ATF6: variants seen among roughly 807,000 people sequenced by gnomAD.
The protein encoded by ATF6 is activating transcription factor 6.
In ATF6, 53 loss-of-function variants were observed where a neutral mutation model predicts 83.6. The ratio of observed to expected loss-of-function variants is 0.63; its 90% confidence interval spans 0.51 to 0.80. ATF6 has a LOEUF of 0.80. Among genes scored for constraint, ATF6 ranks in the 30% least tolerant of loss-of-function variants. ATF6 has a pLI of 0.00. For synonymous variants in ATF6, 288 were observed against 285.8 expected, an observed-to-expected ratio of 1.01 and a Z score of -0.08; for missense variants, 744 against 797.9, an observed-to-expected ratio of 0.93 and a Z score of 0.81.
At chr1:161,787,202 C>G (rs1018829962) in intron 4 of ATF6, among the ~76,000 whole-genome samples, 1 of 152,154 alleles carries the variant, frequency 6.6e-6, no homozygotes, top group Non-Finnish European at 1.5e-5. Context: ...CTTTTTCTCT[C>G]TATGCCATAC....
chr1:161,790,161 T>C (rs772839710), intron 4 of ATF6, among the ~76,000 whole-genome samples: 1 of 152,222 alleles, frequency 6.6e-6, no homozygotes, highest in Non-Finnish European at 1.5e-5. Flanking sequence ...TAGTTTTTAT[T>C]GTTAAATAGT....
At chr1:161,947,927 T>C (rs1028576635) in intron 15 of ATF6, among the ~76,000 whole-genome samples, 7 of 146,530 alleles carry the variant, frequency 4.8e-5, no homozygotes, top group Non-Finnish European at 8.9e-5. Context: ...CAAGTTCAAG[T>C]GATTCTCCTG....
intron 8 of ATF6, among the ~76,000 whole-genome samples, chr1:161,820,028 T>C (rs984562354): frequency 2.0e-5 from 3 of 152,222 alleles, no homozygotes; most frequent in Admixed American, 2.0e-4. Flanking sequence ...AGAAAAGTTG[T>C]CTCCTTTTCC....
intron 6 of ATF6, among the ~76,000 whole-genome samples, chr1:161,792,977 C>A (rs1684918850): frequency 6.6e-6 from 1 of 152,144 alleles, no homozygotes; most frequent in African/African-American, 2.4e-5. Context: ...GTAGATTAGT[C>A]ATCATTGTAC....
intron 14 of ATF6, among the ~76,000 whole-genome samples, chr1:161,909,955 C>CA (rs1205664811): frequency 1.3e-5 from 2 of 150,680 alleles, no homozygotes; most frequent in South Asian, 2.1e-4. Flanking sequence ...GACTCCATCT[C>CA]AAAAAAAAGA....
At chr1:161,867,506 A>G (rs1687032772) in intron 14 of ATF6, among the ~76,000 whole-genome samples, 1 of 152,204 alleles carries the variant, frequency 6.6e-6, no homozygotes, top group African/African-American at 2.4e-5. Flanking sequence ...TTCAATACAC[A>G]TTTAAATACC....
intron 15 of ATF6, among the ~76,000 whole-genome samples, chr1:161,926,312 A>G (rs1363793168): frequency 6.6e-6 from 1 of 152,198 alleles, no homozygotes; most frequent in Non-Finnish European, 1.5e-5. Flanking sequence ...ACATTATCTC[A>G]GACAGTTTCT....
intron 14 of ATF6, among the ~76,000 whole-genome samples, chr1:161,869,839 T>C (rs1687084607): frequency 6.6e-6 from 1 of 151,882 alleles, no homozygotes; most frequent in Non-Finnish European, 1.5e-5. Flanking sequence ...ACTACCTTTG[T>C]AGTTTACAAA....
rs111432961 is a variant in ATF6 at position 161,951,357 on chromosome 1, G to A, written c.1805-7089G>A. On this transcript the variant is annotated intron_variant, in intron 15 of 15. Transcript: ENST00000367942. ...ACCACCATTTCTGGAACTATTCTGC[G>A]ATGGCACTTTCTCAAGTTGGAGCCA... Among the ~76,000 whole-genome samples the A allele has an allele frequency of 2.2e-3, 328 of 152,338 alleles. 2 individuals carry two copies. The highest frequency in any genetic ancestry group is 0.015 in the South Asian group (71 of 4,824).
chr1:161,824,879 A>T (rs537444792), intron 9 of ATF6, among the ~76,000 whole-genome samples: 1 of 152,218 alleles, frequency 6.6e-6, no homozygotes, highest in Non-Finnish European at 1.5e-5. Flanking sequence ...AGAGAATCAG[A>T]TATGTAAACA....
chr1:161,926,826 T>A (rs1688322293), intron 15 of ATF6, among the ~76,000 whole-genome samples: 1 of 152,166 alleles, frequency 6.6e-6, no homozygotes, highest in South Asian at 2.1e-4. Context: ...AACTATCCTA[T>A]TACCTAGAGC....
chr1:161,879,685 A>G (rs998549191), intron 14 of ATF6, among the ~76,000 whole-genome samples: 1 of 152,138 alleles, frequency 6.6e-6, no homozygotes, highest in Non-Finnish European at 1.5e-5. Context: ...AGAAGGTATG[A>G]TAGTCACACT....
Position 161,768,279 on chromosome 1 carries a change from G to A in ATF6, c.82+1837G>A, listed in dbSNP as rs925038356. Among the ~76,000 whole-genome samples, 7 of 152,212 alleles carry A rather than the reference G, an allele frequency of 4.6e-5. No individual in the cohort carries two copies. In the East Asian group the frequency reaches 1.2e-3, roughly 25 times the overall value. ...ACTTGACTTAATGTTCTCTAACAGA[G>A]CATTCAGTTCTTTGTAGTCAGTTCA... On this transcript the variant is annotated intron_variant, in intron 1 of 15. Transcript: ENST00000367942.
intron 14 of ATF6, chr1:161,892,148 G>A (rs747571347): frequency 6.6e-6 from 1 of 152,110 alleles, no homozygotes; most frequent in Non-Finnish European, 1.5e-5. Flanking sequence ...GTCATTGTAT[G>A]CCTCCAGTTT....
chr1:161,783,966 A>C (rs1328676882), intron 3 of ATF6, 24 bp from the exon 4 acceptor site: 1 of 1,497,312 alleles, frequency 6.7e-7, no homozygotes, highest in Non-Finnish European at 9.3e-7. Flanking sequence ...CCAGTGGGTA[A>C]AACCTTTCCT....
At chr1:161,935,060 C>T (rs1449051928) in intron 15 of ATF6, among the ~76,000 whole-genome samples, 1 of 152,168 alleles carries the variant, frequency 6.6e-6, no homozygotes, top group African/African-American at 2.4e-5. Flanking sequence ...ACAACATTGT[C>T]ACAAAGCTCT....
At chr1:161,918,300 C>G (rs1275979088) in intron 15 of ATF6, among the ~76,000 whole-genome samples, 2 of 152,060 alleles carry the variant, frequency 1.3e-5, no homozygotes, top group East Asian at 3.8e-4. Flanking sequence ...ACAGATTAGT[C>G]TAATCTTTTC....
At chr1:161,793,763 A>G (rs1684941150) in intron 6 of ATF6, among the ~76,000 whole-genome samples, 1 of 152,250 alleles carries the variant, frequency 6.6e-6, no homozygotes, top group African/African-American at 2.4e-5. Context: ...TATAATAAGA[A>G]GACAAACTGT....
At chr1:161,822,986 T>C (rs2101788207) in intron 9 of ATF6, among the ~76,000 whole-genome samples, 1 of 152,302 alleles carries the variant, frequency 6.6e-6, no homozygotes, top group South Asian at 2.1e-4. Flanking sequence ...TTAAAATATG[T>C]GAATACATTA....
Sources: allele counts gnomAD v4.1 joint callset (sites outside exome capture counted in the v4.1 genomes callset), GRCh38; gene constraint gnomAD v4.1.1; transcripts MANE v1.5; gene names NCBI Gene and HGNC (gene_info 2026-07-23, HGNC 2026-07-21).